ZNF17: variants seen among roughly 807,000 people sequenced by gnomAD.
The protein encoded by ZNF17 is zinc finger protein 17.
A neutral mutation model predicts 7.7 loss-of-function variants in ZNF17; 4 were observed. That is an observed-to-expected ratio of 0.52 (90% CI 0.26 to 1.20). ZNF17 has a LOEUF of 1.20. Among genes scored for constraint, ZNF17 ranks in the 50% most tolerant of loss-of-function variants. ZNF17 has a pLI of 0.14. For missense variants in ZNF17, 738 were observed against 799.5 expected (o/e 0.92, Z 0.93); for synonymous variants, 249 against 258.8 (o/e 0.96, Z 0.36).
intron 2 of ZNF17, among the ~76,000 whole-genome samples, chr19:57,414,799 T>C (rs1425423806): frequency 1.3e-5 from 2 of 148,284 alleles, no homozygotes; most frequent in Non-Finnish European, 3.0e-5. Context: ...CAAGCTTCGC[T>C]TCCTGGGTTC....
At chr19:57,419,311 G>A (rs1188721138) in intron 3 of ZNF17, 2 of 243,106 alleles carry the variant, frequency 8.2e-6, no homozygotes, top group Non-Finnish European at 1.6e-5. Flanking sequence ...AGATCTCTCT[G>A]GGTCTGGACA....
In ZNF17 at chr19:57,419,846, G is replaced by C; in HGVS notation, c.360G>C (p.Lys120Asn). The change falls in exon 4 of 4, where the codon AAG (lysine) becomes AAC (asparagine). Residue 120 changes from lysine to asparagine, a missense_variant. Transcript: ENST00000307658. ...KRTAKLYLHQ[K>N]EHLREKLTRS... The stretch of plus-strand genomic sequence containing the variant: ...CAGCCAAGCTTTACCTGCACCAAAA[G>C]GAGCATCTTAGAGAGAAGCTCACCA... 1 of 1,614,180 alleles carries C rather than the reference G, an allele frequency of 6.2e-7. No individual in the cohort carries two copies. The highest frequency in any genetic ancestry group is 8.5e-7 in the Non-Finnish European group (1 of 1,180,028).
At chr19:57,415,439 G>T (rs910228926) in intron 2 of ZNF17, among the ~76,000 whole-genome samples, 5 of 152,182 alleles carry the variant, frequency 3.3e-5, no homozygotes, top group Non-Finnish European at 5.9e-5. Flanking sequence ...GAACACACAG[G>T]AATGGAGTTC....
In ZNF17 at chr19:57,419,818, G is replaced by A. The variant is rs377210782; in HGVS notation, c.332G>A (p.Arg111His). 1.5e-5 allele frequency: 25 copies of A among 1,614,028 alleles called. No homozygotes were observed. The highest frequency in any genetic ancestry group is 4.5e-5 in the East Asian group (2 of 44,894). The change falls in exon 4 of 4, where the codon CGT (arginine) becomes CAT (histidine). Residue 111 changes from arginine (R) to histidine (H), a missense_variant. Transcript: ENST00000307658. Reference sequence around the variant, plus strand: ...GAGCATGACGGAACACACCCCAAGCGTACAGCCAAGCTTTACCTGCACCAA... The same window carrying A: ...GAGCATGACGGAACACACCCCAAGCATACAGCCAAGCTTTACCTGCACCAA... ...LAEHDGTHPK[R>H]TAKLYLHQKE...
intron 3 of ZNF17, 194 bp from the exon 4 acceptor site, chr19:57,419,441 C>T (rs925103129): frequency 1.7e-6 from 1 of 581,280 alleles, no homozygotes; most frequent in Non-Finnish European, 3.0e-6. Flanking sequence ...TGTTCCCCAT[C>T]ATCAGGACTC....
At position 57,417,900 on chromosome 19, in the gene ZNF17, T is replaced by A; in HGVS notation, c.22-12T>A. ...AAGTTGCTCACAGACTAAACTGTTA[T>A]AATTTTGGCAGGATTATATGGTTTT... On this transcript the variant is annotated splice_polypyrimidine_tract_variant and intron_variant, in intron 2 of 3. Transcript: ENST00000307658. 1 of 1,612,636 alleles carries A rather than the reference T, an allele frequency of 6.2e-7. No homozygotes were observed. The highest frequency in any genetic ancestry group is 8.5e-7 in the Non-Finnish European group (1 of 1,179,470).
At chr19:57,415,851 G>A (rs2088808231) in intron 2 of ZNF17, among the ~76,000 whole-genome samples, 1 of 152,138 alleles carries the variant, frequency 6.6e-6, no homozygotes, top group Non-Finnish European at 1.5e-5. Flanking sequence ...AGGGTTTTGT[G>A]GCAAATATTG....
intron 1 of ZNF17, chr19:57,413,353 G>A (rs1047797439): frequency 7.8e-6 from 4 of 511,554 alleles, no homozygotes; most frequent in Non-Finnish European, 1.4e-5. Flanking sequence ...TACATAGTGT[G>A]TACTACTTAT....
Position 57,413,663 on chromosome 19 carries a change from A to G in ZNF17, c.21+27A>G, listed in dbSNP as rs761411808. The G allele has an allele frequency of 6.7e-4, 1,024 of 1,536,014 alleles. 2 individuals carry two copies. The highest frequency in any genetic ancestry group is 7.0e-4 in the Non-Finnish European group (807 of 1,146,854). Reference sequence around the variant, plus strand: ...TGAGTGGAGAGTGTTTCCAGCTTTCACCCATCCCAGATGGTTTCAGCATGC... The same window carrying G: ...TGAGTGGAGAGTGTTTCCAGCTTTCGCCCATCCCAGATGGTTTCAGCATGC... On this transcript the variant is annotated intron_variant, in intron 2 of 3. Transcript: ENST00000307658.
Position 57,420,845 on chromosome 19 carries a change from T to C in ZNF17, c.1359T>C (p.Phe453=). Residue 453 remains phenylalanine, a synonymous_variant, in exon 4 of 4, where the codon TTT becomes TTC. Coordinates refer to ENST00000307658, the MANE Select transcript of ZNF17 (RefSeq NM_001330617.2). The part of the protein sequence containing the change: ...PYECNKCGKF[F]RYCFTLNRHQ... ...AATGCAACAAATGTGGGAAATTCTT[T>C]AGGTATTGCTTCACACTGAATAGAC... 1 of 1,614,196 alleles carries C rather than the reference T, an allele frequency of 6.2e-7. No individual in the cohort carries two copies.
intron 1 of ZNF17, 35 bp downstream of exon 1, chr19:57,411,441 C>T: frequency 6.2e-7 from 1 of 1,606,464 alleles, no homozygotes; most frequent in Non-Finnish European, 8.5e-7. Flanking sequence ...CCGCCCGATC[C>T]CTCCTCCGAG....
In ZNF17 at chr19:57,411,194, T is replaced by C; in HGVS notation, c.-233T>C. 7.3e-6 allele frequency: 5 copies of C among 686,264 alleles called. No homozygotes were observed. The highest frequency in any genetic ancestry group is 1.2e-5 in the Non-Finnish European group (5 of 432,244). 42.5% of individuals were successfully genotyped at this position (686,264 alleles called of 1,614,324 possible). ...TCCTGGGGTTGTCAATATGGCTGCG[T>C]TGGGATCTGTTCACCTTCAGGCTGA... is the stretch of plus-strand genomic sequence containing the variant. On this transcript the variant is annotated 5_prime_UTR_variant, in exon 1 of 4. Transcript: ENST00000307658.
chr19:57,417,030 T>G (rs1238553664), intron 2 of ZNF17, among the ~76,000 whole-genome samples: 1 of 152,190 alleles, frequency 6.6e-6, no homozygotes, highest in African/African-American at 2.4e-5. Context: ...GTATCAGTGA[T>G]TGTACCCACA....
chr19:57,420,805 G>T lies in ZNF17; in HGVS notation c.1319G>T (p.Gly440Val), dbSNP rs1175189433. 8.7e-6 allele frequency: 14 copies of T among 1,614,160 alleles called. No homozygotes were observed. The highest frequency in any genetic ancestry group is 1.1e-5 in the Non-Finnish European group (13 of 1,180,032). ...ATTATTCATCAGAGAGTTCATACTG[G>T]AGAAAAGCCTTATGAATGCAACAAA... ...TLIIHQRVHT[G>V]EKPYECNKCG... The change falls in exon 4 of 4, where the codon GGA becomes GTA. Residue 440 changes from glycine to valine, a missense_variant. This residue lies in a region of ZNF17 where 616 missense variants were observed against 663.9 expected (regional missense o/e 0.93). Transcript: ENST00000307658.
intron 1 of ZNF17, chr19:57,413,356 C>T (rs1194618311): frequency 1.7e-5 from 9 of 514,882 alleles, no homozygotes; most frequent in Non-Finnish European, 1.8e-5. Context: ...ATAGTGTGTA[C>T]TACTTATATT....
chr19:57,418,867 C>T (rs2088828422), intron 3 of ZNF17, among the ~76,000 whole-genome samples: 1 of 145,732 alleles, frequency 6.9e-6, no homozygotes, highest in African/African-American at 2.7e-5. Flanking sequence ...CCACCTCTCA[C>T]CTGTTCCCGT....
intron 1 of ZNF17, 25 bp downstream of exon 1, chr19:57,411,431 C>G: frequency 1.2e-6 from 2 of 1,608,066 alleles, no homozygotes. Flanking sequence ...CCAGGGCGCC[C>G]CGCCCGATCC....
rs774701980 is a variant in ZNF17, at chr19:57,421,288, G to C, written c.1802G>C (p.Ser601Thr). 6.2e-7 allele frequency: 1 copy of C among 1,613,396 alleles called. No individual in the cohort carries two copies. Among genetic ancestry groups the C allele is most frequent in the South Asian group, 1.1e-5 (1 of 90,958 alleles). The change falls in exon 4 of 4, where the codon AGT becomes ACT. Residue 601 changes from serine (S) to threonine (T), a missense_variant. This residue lies in a region of ZNF17 where 116 missense variants were observed against 114.0 expected (regional missense o/e 1.02). Transcript: ENST00000307658. Reference sequence around the variant, plus strand: ...TTTATGGACAGCTCCACACTCATTAGTCATGAGAGAGTTCATACTGGAGAA... The same window carrying C: ...TTTATGGACAGCTCCACACTCATTACTCATGAGAGAGTTCATACTGGAGAA... ...KFFMDSSTLI[S>T]HERVHTGEKP... is the part of the protein sequence containing the mutation.
In ZNF17 at chr19:57,419,575, T is replaced by G. The variant is rs561121780; in HGVS notation, c.149-60T>G. 598 of 1,535,684 alleles carry G rather than the reference T, an allele frequency of 3.9e-4. 6 individuals are homozygous for G. In the South Asian group the frequency reaches 7.2e-3, roughly 18 times the overall value. On this transcript the variant is annotated intron_variant, in intron 3 of 3. Transcript: ENST00000307658. ...TGTGAGTTGGTCTGACAGACATTTGTTATGGGGCTGCCTCTTCCCTCCAAA... is the reference window on the plus strand; with the variant it reads ...TGTGAGTTGGTCTGACAGACATTTGGTATGGGGCTGCCTCTTCCCTCCAAA...
Sources: allele counts gnomAD v4.1 joint callset (sites outside exome capture counted in the v4.1 genomes callset), GRCh38; gene constraint gnomAD v4.1.1; regional missense constraint gnomAD v4.1.1; transcripts MANE v1.5; gene names NCBI Gene and HGNC (gene_info 2026-07-23, HGNC 2026-07-21).